The following ATAD1 variants were observed in gnomAD, a reference collection of about 807,000 sequenced individuals.
ATAD1 encodes ATPase family AAA domain containing 1.
ATAD1 carries 18 observed loss-of-function variants against 42.7 expected under a neutral mutation model. The ratio of observed to expected loss-of-function variants is 0.42; its 90% CI spans 0.29 to 0.63. The LOEUF (loss-of-function observed/expected upper bound fraction) is 0.63. Among genes scored for constraint, ATAD1 ranks in the 20% least tolerant of loss-of-function variants. ATAD1 has a pLI of 0.19. For synonymous variants in ATAD1, 132 were observed against 143.1 expected, an observed-to-expected ratio of 0.92 and a Z score of 0.55; for missense variants, 294 against 440.4, an observed-to-expected ratio of 0.67 and a Z score of 2.98.
At chr10:87,764,722 A>C (rs1854653178) in intron 8 of ATAD1, among the ~76,000 whole-genome samples, 1 of 152,130 alleles carries the variant, frequency 6.6e-6, no homozygotes, top group African/African-American at 2.4e-5. Context: ...TCCAACTACC[A>C]ATATTAGAGC....
chr10:87,776,381 G>T lies in ATAD1; in HGVS notation c.630C>A (p.Ala210=). 6.2e-7 allele frequency: 1 copy of T among 1,613,842 alleles called. No homozygotes were observed. ...NRSSSDHEAT[A]MMKAQFMSLW... ...GACTCATAAACTGAGCTTTCATCAT[G>T]GCTGTAGCTTCATGGTCAGAACTTG... is the stretch of plus-strand genomic sequence containing the variant. The change falls in exon 6 of 10, where the codon GCC becomes GCA. Residue 210 remains alanine, a synonymous_variant. Transcript: ENST00000680024.
At chr10:87,779,628 A>G (rs1855476502) in intron 5 of ATAD1, among the ~76,000 whole-genome samples, 2 of 152,216 alleles carry the variant, frequency 1.3e-5, no homozygotes, top group African/African-American at 4.8e-5. Context: ...ATCAAACAAT[A>G]AAAAATATTA....
intron 1 of ATAD1, among the ~76,000 whole-genome samples, chr10:87,833,860 G>T (rs1369226069): frequency 6.6e-6 from 1 of 151,562 alleles, no homozygotes; most frequent in East Asian, 1.9e-4. Flanking sequence ...GAGTAGCTGG[G>T]ACTACAGTCA....
At chr10:87,799,617 T>C (rs372754611) in intron 2 of ATAD1, among the ~76,000 whole-genome samples, 1 of 152,312 alleles carries the variant, frequency 6.6e-6, no homozygotes. Context: ...ATGGTGGTTC[T>C]GTAACTTTAA....
At chr10:87,793,469 C>T (rs909583848) in intron 2 of ATAD1, among the ~76,000 whole-genome samples, 1 of 152,122 alleles carries the variant, frequency 6.6e-6, no homozygotes, top group African/African-American at 2.4e-5. Flanking sequence ...CTTATTGAAT[C>T]CTAAGAGCCA....
chr10:87,791,865 T>G (rs181036514), intron 3 of ATAD1, among the ~76,000 whole-genome samples: 10 of 152,286 alleles, frequency 6.6e-5, no homozygotes, highest in Non-Finnish European at 1.3e-4. Context: ...AGATTATACA[T>G]GAGGGAACTG....
rs374833358 is a variant in ATAD1, at chr10:87,771,855, A to G, written c.691-814T>C. ...CATCAATATTACCTTTACTGTTGAT[A>G]CTTCAGTATAACCCAGTAACAATAC... is the stretch of plus-strand genomic sequence containing the variant. On this transcript the variant is annotated intron_variant, in intron 6 of 9. Coordinates refer to ENST00000680024, the MANE Select transcript of ATAD1 (RefSeq NM_001321967.2). Among the ~76,000 whole-genome samples the G allele has an allele frequency of 4.6e-5, 7 of 152,344 alleles. No homozygotes were observed. In the East Asian group the frequency reaches 1.3e-3, roughly 29 times the overall value.
chr10:87,776,189 C>T (rs1489227360), intron 6 of ATAD1, 132 bp downstream of exon 6: 1 of 648,352 alleles, frequency 1.5e-6, no homozygotes, highest in African/African-American at 1.9e-5. Flanking sequence ...CTTTTGGATC[C>T]TTATCACTTA....
At chr10:87,833,727 C>CTTT (rs3033524) in intron 1 of ATAD1, among the ~76,000 whole-genome samples, 1,152 of 100,752 alleles carry the variant, frequency 0.011, 53 homozygotes, top group African/African-American at 0.025. Flanking sequence ...TCTTTCTTTC[C>CTTT]TTTTTTTTTT....
rs1854228471 is a variant in ATAD1, at chr10:87,756,489, A to G, written c.965+300T>C. Among the ~76,000 whole-genome samples the G allele has an allele frequency of 2.0e-5, 3 of 152,326 alleles. No individual in the cohort carries two copies. The South Asian group carries it at 6.2e-4, about 32-fold the overall frequency. ...TTAACAAATTGAGGTCTAGTCTTCA[A>G]TATCTCCAATTTACATGGGAAATTT... On this transcript the variant is annotated intron_variant, in intron 9 of 9. Transcript: ENST00000680024.
chr10:87,768,807 G>A (rs926376584), intron 7 of ATAD1, among the ~76,000 whole-genome samples: 7 of 152,192 alleles, frequency 4.6e-5, no homozygotes, highest in Non-Finnish European at 1.5e-5. Flanking sequence ...TAGCTGGCCA[G>A]CCACAGTGGC....
chr10:87,817,248 T>C (rs546368191), intron 1 of ATAD1, among the ~76,000 whole-genome samples: 1 of 152,336 alleles, frequency 6.6e-6, no homozygotes, highest in African/African-American at 2.4e-5. Flanking sequence ...ACAGCAGCAA[T>C]ACCATCACCA....
At chr10:87,800,143 C>G (rs1856617294) in intron 2 of ATAD1, among the ~76,000 whole-genome samples, 1 of 151,276 alleles carries the variant, frequency 6.6e-6, no homozygotes, top group Non-Finnish European at 1.5e-5. Context: ...TTAAAATGGT[C>G]TTTCTAGAGA....
chr10:87,797,179 G>T (rs1411757233), intron 2 of ATAD1, among the ~76,000 whole-genome samples: 1 of 152,026 alleles, frequency 6.6e-6, no homozygotes, highest in African/African-American at 2.4e-5. Flanking sequence ...ATATTGTTGG[G>T]TTTTTTGTTG....
At chr10:87,802,562 T>C (rs1856749180) in intron 2 of ATAD1, among the ~76,000 whole-genome samples, 1 of 151,658 alleles carries the variant, frequency 6.6e-6, no homozygotes, top group South Asian at 2.1e-4. Context: ...TCCCAGCACT[T>C]TGGGAGGCCA....
intron 8 of ATAD1, among the ~76,000 whole-genome samples, chr10:87,764,986 G>A (rs1322028953): frequency 6.6e-6 from 1 of 152,156 alleles, no homozygotes; most frequent in East Asian, 1.9e-4. Flanking sequence ...TCAGAGACTT[G>A]TACATAGACT....
In ATAD1 at chr10:87,752,825, A is replaced by G. The variant is rs1854069850; in HGVS notation, c.*1862T>C. On this transcript the variant is annotated 3_prime_UTR_variant, in exon 10 of 10. Transcript: ENST00000680024. ...CTTCATTTGATGATTAAAACCACGA[A>G]GAAATTGAATAACCACTCCTACTGG... is the stretch of plus-strand genomic sequence containing the variant. The G allele has an allele frequency of 6.6e-6, 1 of 152,226 alleles. No homozygotes were observed. The highest frequency in any genetic ancestry group is 1.9e-4 in the East Asian group (1 of 5,202). 9.4% of individuals were successfully genotyped at this position (152,226 alleles called of 1,614,324 possible).
At position 87,753,092 on chromosome 10, in the gene ATAD1, C is replaced by A. The variant is rs1854080789; in HGVS notation, c.*1595G>T. 1 of 151,782 alleles carries A rather than the reference C, an allele frequency of 6.6e-6. No individual in the cohort carries two copies. The highest frequency in any genetic ancestry group is 2.4e-5 in the African/African-American group (1 of 41,328). The allele number at this position is 151,782 out of a possible 1,614,324, so 9.4% of individuals were successfully genotyped here. A position where few individuals can be genotyped will look rare whatever the true frequency, so the allele number is the denominator to read the frequency against. On this transcript the variant is annotated 3_prime_UTR_variant, in exon 10 of 10. Transcript: ENST00000680024. The stretch of plus-strand genomic sequence containing the variant: ...AAAACTTAAAATTACTGAAAAAGAC[C>A]AAAGATTAAGTGGAGAACAACCAAT...
At chr10:87,827,319 C>T (rs982598279) in intron 1 of ATAD1, among the ~76,000 whole-genome samples, 8 of 152,180 alleles carry the variant, frequency 5.3e-5, no homozygotes, top group East Asian at 1.9e-4. Context: ...GCCTGTCACA[C>T]GTCAGGTAGC....
Sources: gnomAD v4.1 joint callset for allele counts (sites outside exome capture counted in the v4.1 genomes callset) on GRCh38, gnomAD v4.1.1 for gene constraint, MANE v1.5 for transcripts, NCBI Gene and HGNC (gene_info 2026-07-23, HGNC 2026-07-21) for gene names.